The following IPP variants were observed in gnomAD, a reference collection of about 807,000 sequenced individuals.
IPP encodes actin-binding protein IPP.
In IPP, 41 loss-of-function variants were observed where a neutral mutation model predicts 64.1. The ratio of observed to expected loss-of-function variants is 0.64; its 90% CI spans 0.50 to 0.83. The LOEUF is 0.83. Among genes scored for constraint, IPP ranks in the 40% least tolerant of loss-of-function variants. The pLI is 0.00. For missense variants in IPP, 649 were observed against 703.0 expected, an observed-to-expected ratio of 0.92 and a Z score of 0.87; for synonymous variants, 214 against 235.2, an observed-to-expected ratio of 0.91 and a Z score of 0.83.
At chr1:45,721,578 T>C (rs1314296588) in intron 5 of IPP, among the ~76,000 whole-genome samples, 1 of 152,244 alleles carries the variant, frequency 6.6e-6, no homozygotes, top group African/African-American at 2.4e-5. Flanking sequence ...CCTTTTCCTT[T>C]GGCTGATTTT....
intron 8 of IPP, among the ~76,000 whole-genome samples, chr1:45,711,753 C>CAAA (rs751563608): frequency 3.7e-5 from 2 of 53,500 alleles, no homozygotes. Context: ...GACTCTGTCA[C>CAAA]AAAAAAAAAA....
intron 3 of IPP, among the ~76,000 whole-genome samples, chr1:45,739,744 T>C (rs1347336415): frequency 6.6e-6 from 1 of 152,098 alleles, no homozygotes; most frequent in Non-Finnish European, 1.5e-5. Context: ...ACAGGATTCA[T>C]TGAATTTTTT....
intron 7 of IPP, among the ~76,000 whole-genome samples, chr1:45,715,952 G>GA (rs1302503803): frequency 6.6e-6 from 1 of 152,172 alleles, no homozygotes; most frequent in Non-Finnish European, 1.5e-5. Context: ...CCACAGAGCA[G>GA]AAAGAACTTT....
intron 4 of IPP, among the ~76,000 whole-genome samples, chr1:45,728,124 A>G (rs1205582011): frequency 7.4e-6 from 1 of 134,622 alleles, no homozygotes; most frequent in African/African-American, 2.8e-5. Context: ...GTGAGTTGAA[A>G]GCTGTGTGTG....
At chr1:45,746,012 A>G in intron 2 of IPP, 108 bp downstream of exon 2, 1 of 914,570 alleles carries the variant, frequency 1.1e-6, no homozygotes. Context: ...ACATAATAAC[A>G]TGTTGCTAAA....
chr1:45,734,023 G>A (rs1645944951), intron 3 of IPP, among the ~76,000 whole-genome samples: 1 of 151,738 alleles, frequency 6.6e-6, no homozygotes, highest in South Asian at 2.1e-4. Context: ...AAAAGACCAT[G>A]GTCAAAAAGC....
At chr1:45,701,949 G>A (rs1282484967) in intron 8 of IPP, among the ~76,000 whole-genome samples, 1 of 152,064 alleles carries the variant, frequency 6.6e-6, no homozygotes, top group African/African-American at 2.4e-5. Context: ...GAAAGTGAAG[G>A]ACTAGATTAA....
intron 5 of IPP, among the ~76,000 whole-genome samples, chr1:45,725,536 T>G (rs1281714439): frequency 7.3e-6 from 1 of 136,312 alleles, no homozygotes; most frequent in South Asian, 2.7e-4. Flanking sequence ...CGGCCGCCCC[T>G]ACTGGGAAGT....
intron 5 of IPP, among the ~76,000 whole-genome samples, chr1:45,726,104 A>C (rs190045251): frequency 1.3e-5 from 2 of 151,070 alleles, no homozygotes; most frequent in Admixed American, 6.6e-5. Flanking sequence ...TAAATAAATA[A>C]ATAAATAAAT....
intron 5 of IPP, among the ~76,000 whole-genome samples, chr1:45,727,191 A>C (rs1368397165): frequency 1.3e-5 from 2 of 152,144 alleles, no homozygotes; most frequent in Non-Finnish European, 1.5e-5. Flanking sequence ...CTGGGACTAC[A>C]GGAATGTGCC....
At chr1:45,709,121 G>C (rs935231771) in intron 8 of IPP, among the ~76,000 whole-genome samples, 1 of 149,602 alleles carries the variant, frequency 6.7e-6, no homozygotes, top group South Asian at 2.1e-4. Context: ...CACCAGACCT[G>C]CACTGGAAGA....
intron 3 of IPP, among the ~76,000 whole-genome samples, chr1:45,740,388 A>T (rs1033938499): frequency 3.3e-5 from 5 of 152,086 alleles, no homozygotes; most frequent in African/African-American, 7.2e-5. Flanking sequence ...CTCACTTCCC[A>T]GTAGGGGCGG....
At chr1:45,746,761 A>G (rs1240776145) in intron 1 of IPP, among the ~76,000 whole-genome samples, 1 of 152,206 alleles carries the variant, frequency 6.6e-6, no homozygotes, top group Non-Finnish European at 1.5e-5. Flanking sequence ...AAAAATAATA[A>G]TAAAACACAA....
At chr1:45,718,649 G>A (rs1009416441) in intron 6 of IPP, among the ~76,000 whole-genome samples, 3 of 152,094 alleles carry the variant, frequency 2.0e-5, no homozygotes, top group Non-Finnish European at 4.4e-5. Flanking sequence ...ACAGATTAAA[G>A]CCAGTTGGTT....
chr1:45,724,668 G>A (rs1290282148), intron 5 of IPP, among the ~76,000 whole-genome samples: 5 of 150,316 alleles, frequency 3.3e-5, no homozygotes, highest in Admixed American at 6.6e-5. Flanking sequence ...CTGCCGGGCC[G>A]CAACCCTGTC....
intron 4 of IPP, among the ~76,000 whole-genome samples, chr1:45,729,305 C>A (rs1645874580): frequency 6.6e-6 from 1 of 152,040 alleles, no homozygotes; most frequent in African/African-American, 2.4e-5. Context: ...TTATTTTTCA[C>A]AATAATTCAA....
At chr1:45,716,684 CTTGT>C (rs1645663624) in intron 7 of IPP, among the ~76,000 whole-genome samples, 1 of 152,142 alleles carries the variant, frequency 6.6e-6, no homozygotes, top group South Asian at 2.1e-4. Flanking sequence ...TAATTCTAGC[CTTGT>C]TTATTTCTGA....
chr1:45,740,279 C>A (rs1646042049), intron 3 of IPP, among the ~76,000 whole-genome samples: 4 of 152,216 alleles, frequency 2.6e-5, no homozygotes, highest in Admixed American at 1.3e-4. Context: ...ACCTTTCCCC[C>A]TTTTCTATTC....
intron 8 of IPP, among the ~76,000 whole-genome samples, 165 bp downstream of exon 8, chr1:45,714,081 A>G (rs1174189987): frequency 6.6e-6 from 1 of 152,210 alleles, no homozygotes; most frequent in African/African-American, 2.4e-5. Flanking sequence ...AAAATTGACA[A>G]TAGAAGAAAA....
Sources: allele counts gnomAD v4.1 joint callset (sites outside exome capture counted in the v4.1 genomes callset), GRCh38; gene constraint gnomAD v4.1.1; transcripts MANE v1.5; gene names NCBI Gene and HGNC (gene_info 2026-07-23, HGNC 2026-07-21).